The following PTMA variants were observed in gnomAD, a reference collection of about 807,000 sequenced individuals.
PTMA encodes the protein prothymosin alpha, also known as gene sequence 28.
Under a neutral mutation model 16.9 loss-of-function variants are expected in PTMA, and 4 were observed. The ratio of observed to expected loss-of-function variants is 0.24; its 90% CI spans 0.12 to 0.54. The LOEUF is 0.54. Among genes scored for constraint, PTMA ranks in the 20% least tolerant of loss-of-function variants. PTMA has a pLI of 0.95. For synonymous variants in PTMA, 58 were observed against 47.9 expected (o/e 1.21, Z -0.87); for missense variants, 120 against 137.7 (o/e 0.87, Z 0.64).
intron 3 of PTMA, 77 bp from the exon 4 acceptor site, chr2:231,712,366 C>CT: frequency 6.8e-7 from 1 of 1,478,122 alleles, no homozygotes; most frequent in Non-Finnish European, 9.4e-7. Flanking sequence ...TTGCAGTCCA[C>CT]TACATGTTCC....
At chr2:231,710,659 C>A in intron 1 of PTMA, 1 of 440,564 alleles carries the variant, frequency 2.3e-6, no homozygotes, top group East Asian at 1.0e-4. Flanking sequence ...GGATCCCGGG[C>A]GGAGTCCCAC....
chr2:231,712,059 T>C (rs2048524872), intron 3 of PTMA, 76 bp downstream of exon 3: 3 of 1,545,456 alleles, frequency 1.9e-6, no homozygotes, highest in Non-Finnish European at 2.6e-6. Flanking sequence ...AAGGAAGGAA[T>C]TGGGGCTCCT....
At position 231,713,073 on chromosome 2, in the gene PTMA, C is replaced by T. The variant is rs1169134174; in HGVS notation, c.*222C>T. 3 of 561,972 alleles carry T rather than the reference C, an allele frequency of 5.3e-6. No individual in the cohort carries two copies. The highest frequency in any genetic ancestry group is 9.7e-6 in the Non-Finnish European group (3 of 310,044). 34.8% of individuals were successfully genotyped at this position (561,972 alleles called of 1,614,324 possible). A position where few individuals can be genotyped will look rare whatever the true frequency, so the allele number is the denominator to read the frequency against. ...GAAAAAAGAACCAAAACTTCCAAGG[C>T]CCTGCTTTTTTTCTTAAAAGTACTT... On this transcript the variant is annotated 3_prime_UTR_variant, in exon 5 of 5. Transcript: ENST00000409115.
intron 1 of PTMA, chr2:231,710,137 G>C (rs753949551): frequency 3.2e-6 from 4 of 1,252,542 alleles, no homozygotes; most frequent in East Asian, 3.2e-5. Context: ...TACGCAGCCC[G>C]GTGGACTTTG....
chr2:231,711,719 C>G, intron 2 of PTMA, 171 bp from the exon 3 acceptor site: 1 of 1,265,356 alleles, frequency 7.9e-7, no homozygotes, highest in Non-Finnish European at 1.1e-6. Flanking sequence ...GTGCAGGTTT[C>G]ATGATGGAGC....
chr2:231,710,280 CT>C, intron 1 of PTMA: 2 of 1,297,230 alleles, frequency 1.5e-6, no homozygotes, highest in Non-Finnish European at 9.8e-7. Context: ...CAAGCTCTGC[CT>C]GCCGGCCGGG....
chr2:231,709,082 C>A (rs1365327900), intron 1 of PTMA, among the ~76,000 whole-genome samples: 1 of 152,068 alleles, frequency 6.6e-6, no homozygotes, highest in Admixed American at 6.5e-5. Flanking sequence ...GGCTGGGGGT[C>A]GTCGGCCCGC....
In PTMA at chr2:231,708,545, A is replaced by G. The variant is rs1313000073; in HGVS notation, c.-162A>G. On this transcript the variant is annotated 5_prime_UTR_variant, in exon 1 of 5. Transcript: ENST00000409115. ...TGAGTCCCCCACTGGCTGCTCTGAA[A>G]AGCCATCTTTGCATTGTTCCTCATC... The G allele has an allele frequency of 6.2e-6, 5 of 808,614 alleles. No homozygotes were observed. Among genetic ancestry groups the G allele is most frequent in the Non-Finnish European group, 1.0e-5 (5 of 490,680 alleles). The allele number at this position is 808,614 out of a possible 1,614,324, so 50.1% of individuals were successfully genotyped here. A position where few individuals can be genotyped will look rare whatever the true frequency, so the allele number is the denominator to read the frequency against.
intron 2 of PTMA, 25 bp downstream of exon 2, chr2:231,711,444 C>T: frequency 2.5e-6 from 4 of 1,611,036 alleles, no homozygotes; most frequent in East Asian, 2.2e-5. Context: ...TGCTCCTGAG[C>T]CCTGGCAGCT....
At chr2:231,710,298 C>T (rs753594027) in intron 1 of PTMA, 1 of 1,266,916 alleles carries the variant, frequency 7.9e-7, no homozygotes, top group Non-Finnish European at 1.0e-6. Flanking sequence ...CGGGAGTCTC[C>T]AAGGCAAGGG....
chr2:231,711,790 T>C, intron 2 of PTMA, 100 bp from the exon 3 acceptor site: 3 of 1,552,194 alleles, frequency 1.9e-6, no homozygotes, highest in South Asian at 2.5e-5. Context: ...GGGCTGTAGA[T>C]GCAGCCGCCA....
At chr2:231,711,519 A>G in intron 2 of PTMA, 100 bp downstream of exon 2, 3 of 1,131,148 alleles carry the variant, frequency 2.7e-6, no homozygotes, top group South Asian at 1.3e-5. Context: ...GTATGTGTAT[A>G]TGTATAGCTT....
chr2:231,710,345 C>G, intron 1 of PTMA: 1 of 1,216,908 alleles, frequency 8.2e-7, no homozygotes, highest in Non-Finnish European at 1.0e-6. Context: ...GCTCCCTGCG[C>G]GCGGTGCGTG....
chr2:231,711,756 C>G (rs1575352786), intron 2 of PTMA, 134 bp from the exon 3 acceptor site: 2 of 1,483,786 alleles, frequency 1.3e-6, no homozygotes, highest in East Asian at 2.3e-5. Context: ...GGAGAAGGGT[C>G]TCTGGGGTGG....
At position 231,711,884 on chromosome 2, in the gene PTMA, G is replaced by C; in HGVS notation, c.118-6G>C. On this transcript the variant is annotated splice_polypyrimidine_tract_variant and splice_region_variant and intron_variant, in intron 2 of 4. Transcript: ENST00000409115. ...GTAATGACATGGCCTGTTTTCTGTC[G>C]AGGAGAATGAGGAAAATGGGGAGCA... 2 of 1,612,586 alleles carry C rather than the reference G, an allele frequency of 1.2e-6. No individual in the cohort carries two copies. The highest frequency in any genetic ancestry group is 1.7e-6 in the Non-Finnish European group (2 of 1,179,624).
At chr2:231,712,681 C>T (rs900253881) in intron 4 of PTMA, 123 bp from the exon 5 acceptor site, 2 of 1,367,902 alleles carry the variant, frequency 1.5e-6, no homozygotes, top group Non-Finnish European at 2.0e-6. Context: ...GCTCAACTTC[C>T]CAGAGGCCTT....
intron 4 of PTMA, 35 bp downstream of exon 4, chr2:231,712,551 A>G (rs2048531988): frequency 6.2e-7 from 1 of 1,606,378 alleles, no homozygotes; most frequent in Non-Finnish European, 8.5e-7. Context: ...GGGGTTTGGC[A>G]TCTGGGTCTC....
At position 231,708,644 on chromosome 2, in the gene PTMA, C is replaced by T. The variant is rs13370; in HGVS notation, c.-63C>T. On this transcript the variant is annotated 5_prime_UTR_variant, in exon 1 of 5. Transcript: ENST00000409115. The stretch of plus-strand genomic sequence containing the variant: ...CCGCGGACTCCGGCAGCTTTATCGC[C>T]AGAGTCCCTGAACTCTCGCTTTCTT... The T allele has an allele frequency of 0.012, 19,045 of 1,588,284 alleles. 541 individuals are homozygous for T. Among genetic ancestry groups the T allele is most frequent in the African/African-American group, 0.11 (8,122 of 74,700 alleles).
intron 1 of PTMA, among the ~76,000 whole-genome samples, chr2:231,710,952 T>C (rs545462825): frequency 2.3e-4 from 35 of 152,370 alleles, no homozygotes; most frequent in African/African-American, 8.4e-4. Context: ...CCTGCCGCCT[T>C]TCTAGACGGC....
Sources: allele counts gnomAD v4.1 joint callset (sites outside exome capture counted in the v4.1 genomes callset), GRCh38; gene constraint gnomAD v4.1.1; transcripts MANE v1.5; gene names NCBI Gene and HGNC (gene_info 2026-07-23, HGNC 2026-07-21).